Variants in DNAH11 observed in about 807,000 individuals in gnomAD.
The protein encoded by DNAH11 is axonemal beta dynein heavy chain 11.
In DNAH11, 442 loss-of-function variants were observed where a neutral mutation model predicts 526.0. The ratio of observed to expected loss-of-function variants is 0.84; its 90% CI spans 0.78 to 0.91. DNAH11 has a LOEUF of 0.91. DNAH11 is among the 40% of genes least tolerant of loss of function. DNAH11 has a pLI of 0.00. For missense variants in DNAH11, 6,989 were observed against 5,448.7 expected, an observed-to-expected ratio of 1.28 and a Z score of -8.90; for synonymous variants, 2,461 against 1,935.9, an observed-to-expected ratio of 1.27 and a Z score of -7.12.
At chr7:21,842,847 A>G (rs1209301559) in intron 66 of DNAH11, 99 bp downstream of exon 66, 8 of 1,034,864 alleles carry the variant, frequency 7.7e-6, no homozygotes, top group Non-Finnish European at 9.6e-6. Flanking sequence ...CCTGCCCTCT[A>G]GAATCCTGCA....
chr7:21,654,884 A>G (rs752798172), intron 28 of DNAH11, among the ~76,000 whole-genome samples: 3 of 152,182 alleles, frequency 2.0e-5, no homozygotes, highest in South Asian at 4.1e-4. Context: ...TCCATGACAA[A>G]AACACAGGGC....
At chr7:21,615,076 T>C (rs749737725) in intron 20 of DNAH11, 38 bp from the exon 21 acceptor site, 1 of 1,560,372 alleles carries the variant, frequency 6.4e-7, no homozygotes, top group East Asian at 2.4e-5. Context: ...TCTCTTTCTC[T>C]GGCAGTTTGT....
Position 21,653,493 on chromosome 7 carries a change from A to G in DNAH11, c.4945-2339A>G, listed in dbSNP as rs1781876601. On this transcript the variant is annotated intron_variant, in intron 28 of 81. Transcript: ENST00000409508. ...GAAATTATTTTCTCACCCAAGCCGT[A>G]ATGTGTGAGGGTGTCTGATGGCTGA... is the stretch of plus-strand genomic sequence containing the variant. 2.0e-5 allele frequency among the ~76,000 whole-genome samples: 3 copies of G among 152,204 alleles called. No homozygotes were observed. In the South Asian group the frequency reaches 6.2e-4, roughly 31 times the overall value.
intron 57 of DNAH11, among the ~76,000 whole-genome samples, chr7:21,781,955 T>G (rs998532228): frequency 2.0e-5 from 3 of 152,188 alleles, no homozygotes; most frequent in Non-Finnish European, 4.4e-5. Context: ...GTCTTGTGTG[T>G]GTCCAAACTT....
chr7:21,895,071 T>C, intron 79 of DNAH11, 72 bp downstream of exon 79: 1 of 1,267,494 alleles, frequency 7.9e-7, no homozygotes, highest in Non-Finnish European at 1.1e-6. Flanking sequence ...TGAATAATGC[T>C]TCCTAAGAAC....
intron 28 of DNAH11, among the ~76,000 whole-genome samples, chr7:21,650,109 G>A (rs1162528917): frequency 6.6e-6 from 1 of 151,954 alleles, no homozygotes; most frequent in Non-Finnish European, 1.5e-5. Context: ...AAAAAACCCA[G>A]CATTTGTGTT....
chr7:21,831,499 G>A (rs1339275635), intron 65 of DNAH11, among the ~76,000 whole-genome samples: 1 of 152,034 alleles, frequency 6.6e-6, no homozygotes, highest in Non-Finnish European at 1.5e-5. Context: ...TACTATCCCT[G>A]GGAAATCTAA....
chr7:21,691,860 G>A (rs771287955), intron 35 of DNAH11, among the ~76,000 whole-genome samples: 23 of 151,938 alleles, frequency 1.5e-4, no homozygotes, highest in Non-Finnish European at 2.1e-4. Context: ...TTATAATGAA[G>A]TAGCAGGCTG....
At chr7:21,671,615 G>A (rs139535979) in intron 30 of DNAH11, among the ~76,000 whole-genome samples, 2 of 151,724 alleles carry the variant, frequency 1.3e-5, no homozygotes, top group East Asian at 1.9e-4. Flanking sequence ...AATCTTTGAC[G>A]TTATTGGTTT....
chr7:21,753,371 T>C (rs182389069), intron 54 of DNAH11, among the ~76,000 whole-genome samples: 4 of 152,158 alleles, frequency 2.6e-5, no homozygotes, highest in African/African-American at 7.2e-5. Context: ...AATATTTAAT[T>C]TGGGGACATT....
chr7:21,615,393 C>A, intron 21 of DNAH11, 121 bp downstream of exon 21: 2 of 1,089,590 alleles, frequency 1.8e-6, no homozygotes, highest in Non-Finnish European at 2.5e-6. Flanking sequence ...GAAATTAGAT[C>A]CTCACCCCAG....
At chr7:21,788,370 T>G (rs1788284475) in intron 60 of DNAH11, among the ~76,000 whole-genome samples, 1 of 152,150 alleles carries the variant, frequency 6.6e-6, no homozygotes, top group African/African-American at 2.4e-5. Context: ...TCTTGATCTC[T>G]CTCTCTCTTT....
Position 21,556,849 on chromosome 7 carries a change from G to T in DNAH11, c.496-1953G>T, listed in dbSNP as rs141093380. Among the ~76,000 whole-genome samples the T allele has an allele frequency of 3.9e-5, 6 of 152,182 alleles. No homozygotes were observed. The East Asian group carries it at 1.2e-3, about 29-fold the overall frequency. ...GGCCAATGTGGGCAGATAACTTGAGGCCAGGAGTTTGAAACCAGCCTGACC... is the reference window on the plus strand; with the variant it reads ...GGCCAATGTGGGCAGATAACTTGAGTCCAGGAGTTTGAAACCAGCCTGACC... On this transcript the variant is annotated intron_variant, in intron 2 of 81. Transcript: ENST00000409508.
At chr7:21,896,473 C>G (rs1473178408) in intron 79 of DNAH11, among the ~76,000 whole-genome samples, 1 of 152,134 alleles carries the variant, frequency 6.6e-6, no homozygotes, top group Admixed American at 6.5e-5. Flanking sequence ...CCATTCCTTC[C>G]CAAGTAAAGT....
At chr7:21,724,039 C>G (rs891737481) in intron 44 of DNAH11, among the ~76,000 whole-genome samples, 34 of 152,172 alleles carry the variant, frequency 2.2e-4, no homozygotes, top group African/African-American at 7.5e-4. Flanking sequence ...TGTTGGTTTT[C>G]TTTTCTACTT....
In DNAH11 at chr7:21,691,144, T is replaced by C. The variant is rs570345910; in HGVS notation, c.6041+263T>C. Among the ~76,000 whole-genome samples, 23 of 151,124 alleles carry C rather than the reference T, an allele frequency of 1.5e-4. No individual in the cohort carries two copies. The South Asian group carries it at 4.4e-3, about 29-fold the overall frequency. ...TTAGCTATTTTGTAATGCATATTTTTATTATAAACATAATCTTTCATAATT... is the reference window on the plus strand; with the variant it reads ...TTAGCTATTTTGTAATGCATATTTTCATTATAAACATAATCTTTCATAATT... On this transcript the variant is annotated intron_variant, in intron 35 of 81. Coordinates refer to ENST00000409508, the MANE Select transcript of DNAH11 (RefSeq NM_001277115.2).
At chr7:21,853,865 A>C (rs992722374) in intron 67 of DNAH11, among the ~76,000 whole-genome samples, 7 of 152,268 alleles carry the variant, frequency 4.6e-5, no homozygotes, top group African/African-American at 1.4e-4. Flanking sequence ...TTTAGTAAGC[A>C]TAAGTTACTG....
At position 21,881,010 on chromosome 7, in the gene DNAH11, C is replaced by T. The variant is rs950503180; in HGVS notation, c.12387+117C>T. On this transcript the variant is annotated intron_variant, in intron 75 of 81. Transcript: ENST00000409508. ...GAAGCTATTATTGAAATAGCTGACA[C>T]TATGTATGTATCTTCTGCCAAGTGT... The T allele has an allele frequency of 1.1e-5, 10 of 916,744 alleles. No individual in the cohort carries two copies. The African/African-American group carries it at 1.7e-4, about 16-fold the overall frequency. 56.8% of individuals were successfully genotyped at this position (916,744 alleles called of 1,614,324 possible). A position where few individuals can be genotyped will look rare whatever the true frequency, so the allele number is the denominator to read the frequency against.
intron 51 of DNAH11, among the ~76,000 whole-genome samples, chr7:21,746,606 A>G (rs1458066562): frequency 6.6e-6 from 1 of 152,140 alleles, no homozygotes; most frequent in East Asian, 1.9e-4. Context: ...CTGTCTCTCA[A>G]AAATAAAAGA....
Sources: allele counts gnomAD v4.1 joint callset (sites outside exome capture counted in the v4.1 genomes callset), GRCh38; gene constraint gnomAD v4.1.1; transcripts MANE v1.5; gene names NCBI Gene and HGNC (gene_info 2026-07-23, HGNC 2026-07-21).